The following CALU variants were observed in gnomAD, a reference collection of about 807,000 sequenced individuals.
CALU encodes calumenin.
Under a neutral mutation model 37.5 loss-of-function variants are expected in CALU, and 13 were observed. That is an observed-to-expected ratio of 0.35 (90% CI 0.23 to 0.55). CALU has a LOEUF of 0.55. CALU is among the 20% of genes least tolerant of loss of function. CALU has a pLI of 0.89. For missense variants in CALU, 282 were observed against 391.7 expected (o/e 0.72, Z 2.36); for synonymous variants, 114 against 133.8 (o/e 0.85, Z 1.02).
chr7:128,751,355 T>C (rs1193313505), intron 2 of CALU, among the ~76,000 whole-genome samples: 1 of 152,118 alleles, frequency 6.6e-6, no homozygotes, highest in Non-Finnish European at 1.5e-5. Context: ...TCATTATCCT[T>C]TTGGGGATCA....
chr7:128,764,426 A>G (rs1801247192), intron 5 of CALU, among the ~76,000 whole-genome samples: 2 of 152,194 alleles, frequency 1.3e-5, no homozygotes, highest in Admixed American at 1.3e-4. Flanking sequence ...ACCCTGTCTC[A>G]GAAGAAAAAA....
chr7:128,748,068 GAAAAACAT>G (rs1800515964), intron 1 of CALU: 1 of 279,962 alleles, frequency 3.6e-6, no homozygotes, highest in African/African-American at 2.2e-5. Context: ...AGAATCACCT[GAAAAACAT>G]TTAAAGCTAC....
Position 128,755,585 on chromosome 7 carries a change from A to G in CALU, c.415+1130A>G, listed in dbSNP as rs927792429. On this transcript the variant is annotated intron_variant, in intron 3 of 6. Coordinates refer to ENST00000249364, the MANE Select transcript of CALU (RefSeq NM_001219.5). ...ACATGAGTTTATCAGCCTGCTTTGC[A>G]AGTGCTTTAAGGCAAATAAATGTTA... Among the ~76,000 whole-genome samples the G allele has an allele frequency of 2.0e-4, 31 of 152,330 alleles. 1 individual carries two copies. The highest frequency in any genetic ancestry group is 5.9e-4 in the Admixed American group (9 of 15,298).
chr7:128,771,410 C>A lies in CALU; in HGVS notation c.*2243C>A, dbSNP rs1425369366. 2 of 152,526 alleles carry A rather than the reference C, an allele frequency of 1.3e-5. No individual in the cohort carries two copies. The highest frequency in any genetic ancestry group is 1.9e-4 in the East Asian group (1 of 5,196). The allele number at this position is 152,526 out of a possible 1,614,324, so 9.4% of individuals were successfully genotyped here. A position where few individuals can be genotyped will look rare whatever the true frequency, so the allele number is the denominator to read the frequency against. ...TGGTTATTTTTTATAGAGTGTAAAC[C>A]AAGTTTTATATTCTGCAATGCGAAC... On this transcript the variant is annotated 3_prime_UTR_variant, in exon 7 of 7. Transcript: ENST00000249364.
intron 2 of CALU, among the ~76,000 whole-genome samples, chr7:128,749,360 C>T (rs2128878663): frequency 6.6e-6 from 1 of 152,182 alleles, no homozygotes; most frequent in African/African-American, 2.4e-5. Context: ...GTTACTGTTT[C>T]AGTAACAGCA....
chr7:128,754,560 G>T lies in CALU; in HGVS notation c.415+105G>T, dbSNP rs776917035. 1.9e-6 allele frequency: 3 copies of T among 1,555,024 alleles called. No homozygotes were observed. In the African/African-American group the frequency reaches 4.1e-5, roughly 21 times the overall value. The stretch of plus-strand genomic sequence containing the variant: ...TGTAGATAAAATAGACGCGGATAAA[G>T]ATGGGTTTGTGACGGAGGGGGAGCT... On this transcript the variant is annotated intron_variant, in intron 3 of 6. Transcript: ENST00000249364.
intron 1 of CALU, among the ~76,000 whole-genome samples, chr7:128,745,917 G>C (rs145694694): frequency 6.6e-6 from 1 of 152,216 alleles, no homozygotes; most frequent in East Asian, 1.9e-4. Flanking sequence ...CCCCATTCCT[G>C]TCTCTTCTCC....
chr7:128,742,950 G>A lies in CALU; in HGVS notation c.-12+3518G>A, dbSNP rs116568488. Among the ~76,000 whole-genome samples the A allele has an allele frequency of 4.9e-3, 749 of 152,208 alleles. 10 individuals carry two copies. The highest frequency in any genetic ancestry group is 0.017 in the African/African-American group (715 of 41,546). ...GCTGTCCAATAAAAATATAATACAA[G>A]CCACATATGTAATTTTAAATTTTCA... On this transcript the variant is annotated intron_variant, in intron 1 of 6. Coordinates refer to ENST00000249364, the MANE Select transcript of CALU (RefSeq NM_001219.5).
At position 128,748,816 on chromosome 7, in the gene CALU, C is replaced by A; in HGVS notation, c.221+12C>A. 1 of 1,569,370 alleles carries A rather than the reference C, an allele frequency of 6.4e-7. No individual in the cohort carries two copies. The highest frequency in any genetic ancestry group is 2.2e-5 in the East Asian group (1 of 44,676). ...AAGGAAAGGCTTGGGTAAGGTACCA[C>A]CTCTCAGGGGTCTAGTGTGGGTAAT... On this transcript the variant is annotated intron_variant, in intron 2 of 6. Transcript: ENST00000249364.
chr7:128,758,605 A>C (rs1466771624), intron 3 of CALU, among the ~76,000 whole-genome samples: 1 of 152,234 alleles, frequency 6.6e-6, no homozygotes, highest in East Asian at 1.9e-4. Context: ...GCCTTCTAGT[A>C]GCCTTAATAC....
intron 1 of CALU, among the ~76,000 whole-genome samples, chr7:128,744,134 A>C (rs1800341862): frequency 6.6e-6 from 1 of 152,172 alleles, no homozygotes; most frequent in Non-Finnish European, 1.5e-5. Context: ...TGAACCCAGG[A>C]GGTGGAGGTT....
intron 2 of CALU, among the ~76,000 whole-genome samples, chr7:128,750,205 G>A (rs1800611972): frequency 7.0e-6 from 1 of 143,524 alleles, no homozygotes; most frequent in African/African-American, 2.6e-5. Context: ...TCCAGCCTGG[G>A]CAACAGAGCC....
At chr7:128,744,587 C>T (rs1432927463) in intron 1 of CALU, among the ~76,000 whole-genome samples, 1 of 152,022 alleles carries the variant, frequency 6.6e-6, no homozygotes, top group Admixed American at 6.6e-5. Flanking sequence ...GGACCATTGG[C>T]TTTGTCCATC....
chr7:128,764,156 C>T (rs1278639223), intron 5 of CALU, among the ~76,000 whole-genome samples: 3 of 152,064 alleles, frequency 2.0e-5, no homozygotes, highest in South Asian at 2.1e-4. Context: ...GGCCGGATGC[C>T]GTAGCTCATT....
chr7:128,768,847 C>CAAAAAAAAAAAAAAAAAAAAA lies in CALU; in HGVS notation c.844-215_844-195dup, dbSNP rs1012831963. Among the ~76,000 whole-genome samples, 166 of 55,120 alleles carry CAAAAAAAAAAAAAAAAAAAAA rather than the reference C, an allele frequency of 3.0e-3. 15 individuals are homozygous for CAAAAAAAAAAAAAAAAAAAAA. The highest frequency in any genetic ancestry group is 0.011 in the Middle Eastern group (1 of 88). The allele number at this position is 55,120 out of a possible 152,430, so 36.2% of individuals were successfully genotyped here. A position where few individuals can be genotyped will look rare whatever the true frequency, so the allele number is the denominator to read the frequency against. ...GGGCAACAAGAGCGAAACTCCGTCTCAAAAAAAAAAAAAAAAAAAAACAAG... is the reference window on the plus strand; with the variant it reads ...GGGCAACAAGAGCGAAACTCCGTCTCAAAAAAAAAAAAAAAAAAAAAAAAAAAAAAAAAAAAAAAAAACAAG... On this transcript the variant is annotated intron_variant, in intron 6 of 6. Coordinates refer to ENST00000249364, the MANE Select transcript of CALU (RefSeq NM_001219.5).
At chr7:128,744,959 C>T (rs530739259) in intron 1 of CALU, among the ~76,000 whole-genome samples, 1 of 152,160 alleles carries the variant, frequency 6.6e-6, no homozygotes, top group Non-Finnish European at 1.5e-5. Flanking sequence ...AGTTTTCCCT[C>T]TAAATCACAG....
At chr7:128,762,368 CTTT>C (rs547572221) in intron 5 of CALU, among the ~76,000 whole-genome samples, 3 of 131,510 alleles carry the variant, frequency 2.3e-5, no homozygotes, top group African/African-American at 2.8e-5. Flanking sequence ...TGCATGTGTG[CTTT>C]TTTTTTTTTT....
Position 128,769,131 on chromosome 7 carries a change from T to G in CALU, c.912T>G (p.Asp304Glu), listed in dbSNP as rs1315532015. 6.2e-7 allele frequency: 1 copy of G among 1,611,770 alleles called. No individual in the cohort carries two copies. Among genetic ancestry groups the G allele is most frequent in the Non-Finnish European group, 8.5e-7 (1 of 1,177,982 alleles). ...TATTTGTTGGCAGCCAGGCCACAGA[T>G]TTTGGGGAGGCCTTAGTACGGCATG... is the stretch of plus-strand genomic sequence containing the variant. ...YDLFVGSQAT[D>E]FGEALVRHDE... Residue 304 changes from aspartate to glutamate, a missense_variant, in exon 7 of 7, where the codon GAT becomes GAG. Physicochemically the swap from Asp to Glu is conservative, Grantham distance 45. Transcript: ENST00000249364.
At chr7:128,747,931 T>A (rs1394062317) in intron 1 of CALU, 1 of 167,470 alleles carries the variant, frequency 6.0e-6, no homozygotes, top group Non-Finnish European at 1.3e-5. Context: ...TTCTTATCTA[T>A]GACTAGACCA....
Sources: allele counts gnomAD v4.1 joint callset (sites outside exome capture counted in the v4.1 genomes callset), GRCh38; gene constraint gnomAD v4.1.1; transcripts MANE v1.5; gene names NCBI Gene and HGNC (gene_info 2026-07-23, HGNC 2026-07-21).